PBX1: variants seen among roughly 807,000 people sequenced by gnomAD.
PBX1 encodes the protein pre-B-cell leukemia transcription factor 1.
PBX1 carries 6 observed loss-of-function variants against 53.4 expected under a neutral mutation model. The ratio of observed to expected loss-of-function variants is 0.11; its 90% CI spans 0.06 to 0.22. The LOEUF (loss-of-function observed/expected upper bound fraction) is 0.22, where lower values mean the gene tolerates loss of function less well. Among genes scored for constraint, PBX1 ranks in the 10% least tolerant of loss-of-function variants. The probability of loss-of-function intolerance (pLI) is 1.00; values close to 1 mark genes in which losing one functional copy is unlikely to be tolerated. For synonymous variants in PBX1, 204 were observed against 212.3 expected (o/e 0.96, Z 0.34); for missense variants, 251 against 551.4 (o/e 0.46, Z 5.46).
At chr1:164,666,819 C>A (rs527689629) in intron 2 of PBX1, among the ~76,000 whole-genome samples, 1 of 152,176 alleles carries the variant, frequency 6.6e-6, no homozygotes, top group Non-Finnish European at 1.5e-5. Context: ...TACTTGCTAC[C>A]TTCTACTGAG....
At chr1:164,673,505 C>G (rs369593909) in intron 2 of PBX1, among the ~76,000 whole-genome samples, 1 of 137,298 alleles carries the variant, frequency 7.3e-6, no homozygotes, top group South Asian at 2.3e-4. Flanking sequence ...GAATCTCGCA[C>G]TGTTGCCTGG....
chr1:164,696,022 T>C (rs570599409), intron 2 of PBX1, among the ~76,000 whole-genome samples: 4 of 152,208 alleles, frequency 2.6e-5, no homozygotes, highest in African/African-American at 9.6e-5. Flanking sequence ...GTGAGGCCCA[T>C]GTGCTTGCCA....
chr1:164,834,346 CTT>C (rs56872086), intron 8 of PBX1, among the ~76,000 whole-genome samples: 14 of 137,012 alleles, frequency 1.0e-4, no homozygotes, highest in Admixed American at 2.9e-4. Flanking sequence ...ATTTTTCTTT[CTT>C]TTTTTTTTTT....
At chr1:164,821,510 T>C (rs1455536704) in intron 7 of PBX1, 27 bp from the exon 8 acceptor site, 1 of 1,581,826 alleles carries the variant, frequency 6.3e-7, no homozygotes, top group Non-Finnish European at 8.7e-7. Context: ...TGACTAATTT[T>C]CTCTCTGTTA....
chr1:164,864,795 A>T lies in PBX1; in HGVS notation n.257+33312A>T, dbSNP rs1405731183. ...TCAGAAGGCAGAAGTGAGCCTCTGC[A>T]CCTTGTCCCTGCATGCAAAAGATCA... is the stretch of plus-strand genomic sequence containing the variant. On this transcript the variant is annotated intron_variant and non_coding_transcript_variant, in intron 2 of 2. Transcript: ENST00000558796. Among the ~76,000 whole-genome samples, 3 of 152,170 alleles carry T rather than the reference A, an allele frequency of 2.0e-5. No homozygotes were observed. In the East Asian group the frequency reaches 5.8e-4, roughly 29 times the overall value.
At chr1:164,633,146 T>C (rs1268978899) in intron 2 of PBX1, among the ~76,000 whole-genome samples, 1 of 150,720 alleles carries the variant, frequency 6.6e-6, no homozygotes, top group African/African-American at 2.4e-5. Context: ...CTCTCCTCTC[T>C]TTCTTTTCTT....
intron 2 of PBX1, among the ~76,000 whole-genome samples, chr1:164,873,803 A>C (rs1332419032): frequency 6.6e-6 from 1 of 152,234 alleles, no homozygotes; most frequent in African/African-American, 2.4e-5. Context: ...TGTGACCTCA[A>C]ACTATAGACT....
At chr1:164,743,892 A>G (rs900197155) in intron 2 of PBX1, among the ~76,000 whole-genome samples, 7 of 152,222 alleles carry the variant, frequency 4.6e-5, no homozygotes, top group African/African-American at 1.4e-4. Context: ...ACTTAGTCCT[A>G]TGGCTACTCC....
chr1:164,584,030 A>G (rs1201851314), intron 2 of PBX1, among the ~76,000 whole-genome samples: 1 of 152,190 alleles, frequency 6.6e-6, no homozygotes, highest in Admixed American at 6.5e-5. Flanking sequence ...CTAGTGAGCC[A>G]TGCTTTATTC....
At position 164,720,708 on chromosome 1, in the gene PBX1, A is replaced by G. The variant is rs144695422; in HGVS notation, c.266-71786A>G. ...GGGGCTCAAGTGAAGAAATATTATC[A>G]TTAGACCTGCCTCCAGGTCTAGCTA... On this transcript the variant is annotated intron_variant, in intron 2 of 8. Coordinates refer to ENST00000420696, the MANE Select transcript of PBX1 (RefSeq NM_002585.4). Among the ~76,000 whole-genome samples, 604 of 152,302 alleles carry G rather than the reference A, an allele frequency of 4.0e-3. 5 individuals carry two copies. The highest frequency in any genetic ancestry group is 0.014 in the African/African-American group (586 of 41,574).
At chr1:164,810,817 AT>A (rs1571451210) in intron 5 of PBX1, among the ~76,000 whole-genome samples, 1 of 151,992 alleles carries the variant, frequency 6.6e-6, no homozygotes, top group African/African-American at 2.4e-5. Flanking sequence ...TTCTTATTGA[AT>A]TTTTTTCTTT....
downstream of PBX1, among the ~76,000 whole-genome samples, chr1:164,852,909 C>T (rs1671891068): frequency 6.6e-6 from 1 of 152,114 alleles, no homozygotes; most frequent in Non-Finnish European, 1.5e-5. Context: ...AAGCAGGCTC[C>T]GATTACTTCC....
intron 2 of PBX1, among the ~76,000 whole-genome samples, chr1:164,588,511 C>T (rs1655120236): frequency 1.8e-5 from 2 of 112,924 alleles, no homozygotes; most frequent in South Asian, 6.7e-4. Context: ...AGTTTCGAAG[C>T]ATATGGTGAA....
intron 2 of PBX1, among the ~76,000 whole-genome samples, chr1:164,602,998 CCTTT>C (rs1656284032): frequency 6.6e-6 from 1 of 152,052 alleles, no homozygotes; most frequent in South Asian, 2.1e-4. Flanking sequence ...TTTCAGCTCT[CCTTT>C]CTTCTTTTTT....
At chr1:164,857,038 G>A (rs973865246) in intron 2 of PBX1, among the ~76,000 whole-genome samples, 1 of 152,062 alleles carries the variant, frequency 6.6e-6, no homozygotes, top group Non-Finnish European at 1.5e-5. Context: ...AAACCAACTA[G>A]GTGTCCTACA....
intron 2 of PBX1, among the ~76,000 whole-genome samples, chr1:164,609,755 ATTC>A (rs1557889007): frequency 1.3e-5 from 2 of 152,204 alleles, no homozygotes; most frequent in Admixed American, 6.5e-5. Context: ...GGCAGAGACT[ATTC>A]TTACCTGGCT....
intron 2 of PBX1, among the ~76,000 whole-genome samples, chr1:164,752,490 A>G (rs1488001389): frequency 6.6e-5 from 10 of 152,124 alleles, no homozygotes; most frequent in Admixed American, 6.6e-4. Flanking sequence ...ATTGTTAATT[A>G]AGCTCTATTA....
intron 2 of PBX1, among the ~76,000 whole-genome samples, chr1:164,737,132 C>T (rs1386539690): frequency 1.3e-5 from 2 of 152,162 alleles, no homozygotes; most frequent in South Asian, 2.1e-4. Flanking sequence ...GAAGTCCGCC[C>T]ATTTTCTCAG....
chr1:164,637,111 A>C (rs946121439), intron 2 of PBX1, among the ~76,000 whole-genome samples: 4 of 152,160 alleles, frequency 2.6e-5, no homozygotes, highest in Admixed American at 6.5e-5. Context: ...GGGGCTGAGA[A>C]GAAAATGAAA....
Sources: gnomAD v4.1 joint callset for allele counts (sites outside exome capture counted in the v4.1 genomes callset) on GRCh38, gnomAD v4.1.1 for gene constraint, MANE v1.5 for transcripts, NCBI Gene and HGNC (gene_info 2026-07-23, HGNC 2026-07-21) for gene names.